The following MBD4 variants were observed in gnomAD, a reference collection of about 807,000 sequenced individuals.
MBD4 encodes the protein methyl-CpG-binding domain protein 4.
A neutral mutation model predicts 60.2 loss-of-function variants in MBD4; 53 were observed. The observed-to-expected ratio is 0.88, with a 90% CI of 0.71 to 1.11. MBD4 has a LOEUF of 1.11. MBD4 is among the 50% of genes least tolerant of loss of function. The pLI is 0.00. For synonymous variants in MBD4, 231 were observed against 229.8 expected (o/e 1.01, Z -0.05); for missense variants, 619 against 674.0 (o/e 0.92, Z 0.90).
chr3:129,436,536 G>C lies in MBD4; in HGVS notation c.1108C>G (p.His370Asp). 6.2e-7 allele frequency: 1 copy of C among 1,614,118 alleles called. No homozygotes were observed. The highest frequency in any genetic ancestry group is 8.5e-7 in the Non-Finnish European group (1 of 1,179,984). The part of the protein sequence containing the change: ...TKVEVVERKE[H>D]LHTDILKRGS... ...CGTTTTAAAATGTCAGTATGCAAATGTTCTTTCCTTTCCACAACTTCTACT... is the reference window on the plus strand; with the variant it reads ...CGTTTTAAAATGTCAGTATGCAAATCTTCTTTCCTTTCCACAACTTCTACT... Residue 370 changes from histidine (H) to aspartate (D), a missense_variant, in exon 3 of 8, where the codon CAT becomes GAT. Transcript: ENST00000429544.
At position 129,432,531 on chromosome 3, in the gene MBD4, C is replaced by A. The variant is rs771518453; in HGVS notation, c.1619G>T (p.Arg540Leu). The A allele has an allele frequency of 1.2e-6, 2 of 1,614,176 alleles. No homozygotes were observed. Among genetic ancestry groups the A allele is most frequent in the South Asian group, 2.2e-5 (2 of 91,070 alleles). ...GIGKYGNDSY[R>L]IFCVNEWKQV... ...CTTCCACTCATTGACACAAAAAATT[C>A]GGTAAGAGTCGTTGCCATATTTACC... The change falls in exon 7 of 8, where the codon CGA becomes CTA. Residue 540 changes from arginine to leucine, a missense_variant. Physicochemically the swap from Arg to Leu is moderately radical, Grantham distance 102. Transcript: ENST00000429544.
At chr3:129,434,252 C>T in intron 3 of MBD4, 116 bp from the exon 4 acceptor site, 1 of 826,156 alleles carries the variant, frequency 1.2e-6, no homozygotes, top group Non-Finnish European at 2.0e-6. Flanking sequence ...TATTCTAAGC[C>T]CTTTACATAA....
At chr3:129,438,834 C>A (rs1368098861) in intron 1 of MBD4, among the ~76,000 whole-genome samples, 1 of 151,764 alleles carries the variant, frequency 6.6e-6, no homozygotes, top group Non-Finnish European at 1.5e-5. Context: ...CTAAGGAGGC[C>A]GGGGTAGGAG....
Position 129,431,485 on chromosome 3 carries a change from T to C in MBD4, c.*16A>G, listed in dbSNP as rs773853568. On this transcript the variant is annotated 3_prime_UTR_variant, in exon 8 of 8. Transcript: ENST00000429544. ...GCAAAGCTATGCATAACAGATGAGC[T>C]TGAAAGCTGCAGAGTTTAAGATAGA... The C allele has an allele frequency of 1.2e-5, 19 of 1,604,618 alleles. No homozygotes were observed. In the Admixed American group the frequency reaches 2.2e-4, roughly 18 times the overall value.
Position 129,436,673 on chromosome 3 carries a change from CA to C in MBD4, c.970del (p.Cys324ValfsTer10), listed in dbSNP as rs1047602605. The C allele has an allele frequency of 1.2e-6, 2 of 1,613,784 alleles. No homozygotes were observed. Among genetic ancestry groups the C allele is most frequent in the Non-Finnish European group, 1.7e-6 (2 of 1,179,970 alleles). On this transcript the variant is annotated frameshift_variant, in exon 3 of 8. Transcript: ENST00000429544. LOFTEE classifies it high-confidence loss of function. Reference protein sequence around the residue: ...ERSLSSGSNFCSEQKTSGIIN... With the variant: ...ERSLSSGSNFXSEQKTSGIIN... ...GATGCCAGAAGTTTTTTGTTCAGAA[CA>C]AAAATTTGATCCTGAACTCAATGAT... is the stretch of plus-strand genomic sequence containing the variant.
chr3:129,435,577 G>A (rs1320989899), intron 3 of MBD4, among the ~76,000 whole-genome samples: 2 of 152,176 alleles, frequency 1.3e-5, no homozygotes, highest in African/African-American at 4.8e-5. Context: ...TTGTGTTAAA[G>A]GCAGAGAAAC....
At chr3:129,439,427 C>T (rs1457524158) in intron 1 of MBD4, among the ~76,000 whole-genome samples, 1 of 152,144 alleles carries the variant, frequency 6.6e-6, no homozygotes, top group South Asian at 2.1e-4. Context: ...AAATCTTAAC[C>T]TCCTATCACA....
rs377098254 is a variant in MBD4 at position 129,434,091 on chromosome 3, A to G, written c.1229T>C (p.Leu410Pro). The change falls in exon 4 of 8, where the codon CTG (leucine) becomes CCG (proline). Residue 410 changes from leucine to proline, a missense_variant. Transcript: ENST00000429544. The part of the protein sequence containing the change: ...RTQIERRKTS[L>P]YFSSKYNKEA... ...TTTGTTATATTTGCTGGAAAAATAC[A>G]GGCTTGTTTTCCTTCTTTCTATCTG... 451 of 1,613,978 alleles carry G rather than the reference A, an allele frequency of 2.8e-4. 1 individual carries two copies. The highest frequency in any genetic ancestry group is 3.8e-4 in the Non-Finnish European group (445 of 1,179,970).
At chr3:129,435,254 G>A (rs2072436070) in intron 3 of MBD4, among the ~76,000 whole-genome samples, 1 of 151,654 alleles carries the variant, frequency 6.6e-6, no homozygotes, top group African/African-American at 2.4e-5. Flanking sequence ...AAAGGAAACT[G>A]CTCTGACTGC....
intron 1 of MBD4, among the ~76,000 whole-genome samples, chr3:129,438,348 G>A (rs368785362): frequency 1.8e-4 from 28 of 152,304 alleles, no homozygotes; most frequent in Non-Finnish European, 3.5e-4. Context: ...GCAAATAAAT[G>A]AGGTAAAAGT....
In MBD4 at chr3:129,436,464, T is replaced by C; in HGVS notation, c.1180A>G (p.Thr394Ala). 6.2e-7 allele frequency: 1 copy of C among 1,614,060 alleles called. No individual in the cohort carries two copies. Among genetic ancestry groups the C allele is most frequent in the Non-Finnish European group, 8.5e-7 (1 of 1,179,976 alleles). The change falls in exon 3 of 8, where the codon ACT (threonine) becomes GCT (alanine). Residue 394 changes from threonine (T) to alanine (A), a missense_variant. By Grantham distance (58) the Thr-to-Ala change is moderately conservative (BLOSUM62 0). Coordinates refer to ENST00000429544, the MANE Select transcript of MBD4 (RefSeq NM_001276270.2). ...NNCSPTRKDFTEDTIPRTQIE... is the reference protein window; with the variant it reads ...NNCSPTRKDFAEDTIPRTQIE... ...ATACCTTGAAATATTTTCTCACCAG[T>C]GAAGTCTTTCCTGGTTGGTGAGCAG...
At chr3:129,433,689 T>C (rs1374060403) in intron 5 of MBD4, 161 bp downstream of exon 5, 1 of 745,308 alleles carries the variant, frequency 1.3e-6, no homozygotes, top group Non-Finnish European at 2.3e-6. Context: ...TTGGATGTCA[T>C]CCAGTCTCAT....
chr3:129,438,343 T>A (rs2072533588), intron 1 of MBD4, among the ~76,000 whole-genome samples: 1 of 152,162 alleles, frequency 6.6e-6, no homozygotes, highest in Non-Finnish European at 1.5e-5. Flanking sequence ...TCTCTGCAAA[T>A]AAATGAGGTA....
chr3:129,433,059 A>C, intron 6 of MBD4, 39 bp downstream of exon 6: 1 of 1,610,906 alleles, frequency 6.2e-7, no homozygotes, highest in Non-Finnish European at 8.5e-7. Flanking sequence ...AAATAAGCAC[A>C]ATGTATTATG....
intron 7 of MBD4, 200 bp downstream of exon 7, chr3:129,432,303 G>T: frequency 1.3e-6 from 2 of 1,494,944 alleles, no homozygotes; most frequent in African/African-American, 1.4e-5. Flanking sequence ...CACGCCGCTG[G>T]ACTGGTCTTT....
At chr3:129,438,015 T>A in intron 1 of MBD4, 65 bp from the exon 2 acceptor site, 1 of 964,774 alleles carries the variant, frequency 1.0e-6, no homozygotes, top group South Asian at 1.4e-5. Flanking sequence ...TACTCAGTTT[T>A]AATCCATGAC....
chr3:129,438,693 C>A (rs914826475), intron 1 of MBD4, among the ~76,000 whole-genome samples: 3 of 151,834 alleles, frequency 2.0e-5, no homozygotes, highest in African/African-American at 7.3e-5. Flanking sequence ...ATCACCTGAT[C>A]CCAAGAGTTT....
intron 7 of MBD4, 189 bp downstream of exon 7, chr3:129,432,313 TG>T: frequency 6.7e-7 from 1 of 1,501,344 alleles, no homozygotes; most frequent in Non-Finnish European, 8.9e-7. Flanking sequence ...GACTGGTCTT[TG>T]TGGACTTGGG....
intron 3 of MBD4, 63 bp downstream of exon 3, chr3:129,436,398 T>A: frequency 6.3e-7 from 1 of 1,596,266 alleles, no homozygotes; most frequent in Admixed American, 1.7e-5. Flanking sequence ...GCATTATAAA[T>A]TTCTCATCAC....
Sources: allele counts gnomAD v4.1 joint callset (sites outside exome capture counted in the v4.1 genomes callset), GRCh38; gene constraint gnomAD v4.1.1; transcripts MANE v1.5; gene names NCBI Gene and HGNC (gene_info 2026-07-23, HGNC 2026-07-21).